The following DOT1L variants were observed in gnomAD, a reference collection of about 807,000 sequenced individuals.
DOT1L encodes the protein histone-lysine N-methyltransferase, H3 lysine-79 specific.
DOT1L carries 33 observed loss-of-function variants against 153.3 expected under a neutral mutation model. The ratio of observed to expected loss-of-function variants is 0.22; its 90% CI spans 0.16 to 0.29. The LOEUF (loss-of-function observed/expected upper bound fraction) is 0.29, where lower values mean the gene tolerates loss of function less well. DOT1L is among the 10% of genes least tolerant of loss of function. The pLI, the probability that DOT1L is intolerant of heterozygous loss-of-function variation, is 1.00. For missense variants in DOT1L, 1,847 were observed against 2,119.9 expected (o/e 0.87, Z 2.53); for synonymous variants, 1,135 against 965.1 (o/e 1.18, Z -3.26).
In DOT1L at chr19:2,220,509, G is replaced by A. The variant is rs1367597141; in HGVS notation, c.2806+287G>A. On this transcript the variant is annotated intron_variant, in intron 23 of 27. Transcript: ENST00000398665. The surrounding 1 kb of genome is among the most constrained non-coding windows in gnomAD (Gnocchi z 4.5). ...CCGTGAGGTCGGCCCCAGTGCTCTC[G>A]GGGGCTCCTGTACTCACAGCTGGGA... is the stretch of plus-strand genomic sequence containing the variant. 10 of 533,262 alleles carry A rather than the reference G, an allele frequency of 1.9e-5. No individual in the cohort carries two copies. The highest frequency in any genetic ancestry group is 1.2e-4 in the South Asian group (8 of 65,256). 33.0% of individuals were successfully genotyped at this position (533,262 alleles called of 1,614,324 possible). A position where few individuals can be genotyped will look rare whatever the true frequency, so the allele number is the denominator to read the frequency against.
chr19:2,168,407 C>T (rs1356126169), intron 1 of DOT1L, among the ~76,000 whole-genome samples: 1 of 152,204 alleles, frequency 6.6e-6, no homozygotes, highest in Non-Finnish European at 1.5e-5. Flanking sequence ...GAGGGGCTGC[C>T]ACTTCTGCCC....
chr19:2,176,025 C>T (rs1468371078), intron 1 of DOT1L, among the ~76,000 whole-genome samples: 1 of 152,128 alleles, frequency 6.6e-6, no homozygotes, highest in Non-Finnish European at 1.5e-5. Flanking sequence ...CCCGGCTCTG[C>T]CTGTCCCCTG....
chr19:2,218,583 TG>T (rs1568364073), intron 22 of DOT1L, among the ~76,000 whole-genome samples: 1 of 150,542 alleles, frequency 6.6e-6, no homozygotes, highest in African/African-American at 2.4e-5. Context: ...TTAGTAGAGA[TG>T]GGGTTTCACC....
At chr19:2,228,242 G>A (rs889596146) in intron 27 of DOT1L, 12 of 1,362,202 alleles carry the variant, frequency 8.8e-6, no homozygotes, top group African/African-American at 1.5e-5. Flanking sequence ...CCCAGGCCGC[G>A]CCCGGGATCC....
At position 2,229,930 on chromosome 19, in the gene DOT1L, G is replaced by A. The variant is rs954919882; in HGVS notation, c.*138G>A. 1.1e-5 allele frequency: 17 copies of A among 1,478,864 alleles called. No individual in the cohort carries two copies. Among genetic ancestry groups the A allele is most frequent in the Admixed American group, 1.7e-5 (1 of 57,632 alleles). The allele number at this position is 1,478,864 out of a possible 1,614,324, so 91.6% of individuals were successfully genotyped here. On this transcript the variant is annotated 3_prime_UTR_variant, in exon 28 of 28. Coordinates refer to ENST00000398665, the MANE Select transcript of DOT1L (RefSeq NM_032482.3). ...ACGGACGGGAGCTCCACTGTGAATC[G>A]GCGGCACGCGCCGCAGGAGGCTGGG...
chr19:2,176,040 C>T (rs1331996708), intron 1 of DOT1L, among the ~76,000 whole-genome samples: 1 of 152,164 alleles, frequency 6.6e-6, no homozygotes, highest in African/African-American at 2.4e-5. Flanking sequence ...CCCCTGGGCT[C>T]TCCAGGAACA....
intron 14 of DOT1L, 23 bp downstream of exon 14, chr19:2,210,878 C>A: frequency 6.2e-7 from 1 of 1,607,224 alleles, no homozygotes; most frequent in Non-Finnish European, 8.5e-7. Flanking sequence ...CACGCCACGG[C>A]CCCCGCTCTC....
intron 22 of DOT1L, 150 bp from the exon 23 acceptor site, chr19:2,219,958 C>T (rs112845701): frequency 3.8e-5 from 25 of 660,214 alleles, no homozygotes; most frequent in African/African-American, 2.4e-4. Context: ...GCTCAAGTTC[C>T]CCCGCTGCCC....
At chr19:2,178,352 A>G (rs1599541223) in intron 1 of DOT1L, among the ~76,000 whole-genome samples, 1 of 146,716 alleles carries the variant, frequency 6.8e-6, no homozygotes, top group Non-Finnish European at 1.5e-5. Flanking sequence ...AACATGGTGA[A>G]ACCTTGTCTC....
In DOT1L at chr19:2,229,929, C is replaced by A; in HGVS notation, c.*137C>A. The A allele has an allele frequency of 6.8e-7, 1 of 1,477,484 alleles. No individual in the cohort carries two copies. Among genetic ancestry groups the A allele is most frequent in the African/African-American group, 1.4e-5 (1 of 72,232 alleles). 91.5% of individuals were successfully genotyped at this position (1,477,484 alleles called of 1,614,324 possible). ...GACGGACGGGAGCTCCACTGTGAAT[C>A]GGCGGCACGCGCCGCAGGAGGCTGG... On this transcript the variant is annotated 3_prime_UTR_variant, in exon 28 of 28. Coordinates refer to ENST00000398665, the MANE Select transcript of DOT1L (RefSeq NM_032482.3).
chr19:2,225,884 C>A (rs975239142), intron 26 of DOT1L, among the ~76,000 whole-genome samples: 2 of 152,216 alleles, frequency 1.3e-5, no homozygotes, highest in African/African-American at 4.8e-5. Context: ...GAGCTCATCC[C>A]GCATGGCCTC....
Position 2,197,037 on chromosome 19 carries a change from T to G in DOT1L, c.651+2460T>G, listed in dbSNP as rs752229363. 6.8e-4 allele frequency among the ~76,000 whole-genome samples: 103 copies of G among 152,234 alleles called. 1 individual carries two copies. Among genetic ancestry groups the G allele is most frequent in the Non-Finnish European group, 2.1e-4 (14 of 68,038 alleles). ...GCCTTGGTCGGCGTGCGATTCTGTT[T>G]ATCCAAGGTGGGATTCTGCTGGCTG... On this transcript the variant is annotated intron_variant, in intron 7 of 27. Coordinates refer to ENST00000398665, the MANE Select transcript of DOT1L (RefSeq NM_032482.3). The surrounding 1 kb of genome is among the most constrained non-coding windows in gnomAD (Gnocchi z 4.1).
intron 7 of DOT1L, among the ~76,000 whole-genome samples, chr19:2,196,344 C>T (rs1247035858): frequency 6.6e-6 from 1 of 152,150 alleles, no homozygotes; most frequent in Non-Finnish European, 1.5e-5. Flanking sequence ...TTTTTTTGTG[C>T]ATGTGTGAAA....
At chr19:2,227,908 C>G in intron 27 of DOT1L, 2 of 1,201,820 alleles carry the variant, frequency 1.7e-6, no homozygotes, top group Middle Eastern at 3.6e-4. Context: ...CGGCCGCCCC[C>G]TCCGCCTCCG....
At position 2,216,349 on chromosome 19, in the gene DOT1L, G is replaced by A. The variant is rs370804234; in HGVS notation, c.1992G>A (p.Pro664=). The change falls in exon 20 of 28, where the codon CCG becomes CCA. Residue 664 remains proline, a synonymous_variant. Transcript: ENST00000398665. ...TCCTGCAGCTCAAGTCCTGTGTGCC[G>A]CCTGACGACGCCCTGTCCCTGCACC... ...QELLQLKSCV[P]PDDALSLHLR... The A allele has an allele frequency of 1.8e-5, 29 of 1,608,590 alleles. No individual in the cohort carries two copies. In the African/African-American group the frequency reaches 2.7e-4, roughly 15 times the overall value.
At chr19:2,164,429 C>G (rs1323471085) in intron 1 of DOT1L, 164 bp downstream of exon 1, 1 of 444,888 alleles carries the variant, frequency 2.2e-6, no homozygotes, top group African/African-American at 2.1e-5. Flanking sequence ...CGGCCGAGGG[C>G]CCCGCGGCTG....
intron 8 of DOT1L, among the ~76,000 whole-genome samples, chr19:2,201,446 C>T (rs1301871871): frequency 6.6e-6 from 1 of 152,242 alleles, no homozygotes; most frequent in African/African-American, 2.4e-5. Context: ...TGCTCTTCTT[C>T]CTCGGGTGTG....
At chr19:2,228,029 G>C (rs778488013) in intron 27 of DOT1L, 3 of 1,227,664 alleles carry the variant, frequency 2.4e-6, no homozygotes, top group Admixed American at 2.7e-5. Context: ...CTCCCCCAAC[G>C]CTGCTGGCCT....
At chr19:2,200,226 G>A (rs550690825) in intron 8 of DOT1L, among the ~76,000 whole-genome samples, 16 of 152,138 alleles carry the variant, frequency 1.1e-4, no homozygotes, top group Non-Finnish European at 1.3e-4. Context: ...GGCCCCTCTC[G>A]CCTGGTTTCC....
Sources: gnomAD v4.1 joint callset for allele counts (sites outside exome capture counted in the v4.1 genomes callset) on GRCh38, gnomAD v4.1.1 for gene constraint, Gnocchi (gnomAD v3.1) non-coding constraint, MANE v1.5 for transcripts, NCBI Gene and HGNC (gene_info 2026-07-23, HGNC 2026-07-21) for gene names.